The following SDK1 variants were observed in gnomAD, a reference collection of about 807,000 sequenced individuals.
SDK1 encodes the protein protein sidekick-1.
In SDK1, 157 loss-of-function variants were observed where a neutral mutation model predicts 245.5. The ratio of observed to expected loss-of-function variants is 0.64; its 90% CI spans 0.56 to 0.73. SDK1 has a LOEUF of 0.73. SDK1 is among the 30% of genes least tolerant of loss of function. The probability of loss-of-function intolerance (pLI) is 0.00; values close to 1 mark genes in which losing one functional copy is unlikely to be tolerated. For missense variants in SDK1, 3,583 were observed against 3,002.3 expected (o/e 1.19, Z -4.52); for synonymous variants, 1,647 against 1,278.5 (o/e 1.29, Z -6.15).
chr7:4,178,714 G>A (rs1782412693), intron 35 of SDK1, 128 bp downstream of exon 35: 4 of 663,362 alleles, frequency 6.0e-6, no homozygotes, highest in Admixed American at 5.0e-5. Context: ...TTGCTGTCGG[G>A]GCTGAGGTCT....
chr7:4,126,652 C>T (rs892797317), intron 25 of SDK1, among the ~76,000 whole-genome samples: 8 of 152,162 alleles, frequency 5.3e-5, no homozygotes, highest in African/African-American at 1.7e-4. Context: ...ACCCAGGAGG[C>T]GAAGTTGCAG....
intron 1 of SDK1, among the ~76,000 whole-genome samples, chr7:3,454,388 T>TTGTGTGTGTGTGTGTGTGTGTGTGTG (rs60437983): frequency 7.1e-6 from 1 of 141,686 alleles, no homozygotes; most frequent in Non-Finnish European, 1.5e-5. Flanking sequence ...TCCCCAAGAT[T>TTGTGTGTGTGTGTGTGTGTGTGTGTG]TGTGTGTGTG....
intron 4 of SDK1, among the ~76,000 whole-genome samples, chr7:3,679,348 C>T (rs984638995): frequency 1.3e-5 from 2 of 152,032 alleles, no homozygotes; most frequent in Non-Finnish European, 1.5e-5. Flanking sequence ...GGGTGGATCA[C>T]GAGGTCGGGA....
At chr7:3,564,808 C>T (rs543833063) in intron 1 of SDK1, among the ~76,000 whole-genome samples, 1 of 151,890 alleles carries the variant, frequency 6.6e-6, no homozygotes, top group African/African-American at 2.4e-5. Flanking sequence ...TGAACTAATC[C>T]AGAAAACAGT....
intron 35 of SDK1, among the ~76,000 whole-genome samples, 157 bp downstream of exon 35, chr7:4,178,743 A>C (rs1402763556): frequency 6.6e-6 from 1 of 152,214 alleles, no homozygotes; most frequent in Non-Finnish European, 1.5e-5. Context: ...CTGGCAGGGA[A>C]AGATGGGCTC....
intron 1 of SDK1, among the ~76,000 whole-genome samples, chr7:3,413,848 A>G (rs1339370490): frequency 6.6e-6 from 1 of 152,070 alleles, no homozygotes; most frequent in East Asian, 1.9e-4. Flanking sequence ...TATCAGCCAG[A>G]TGTGGCACAT....
chr7:3,516,739 A>C (rs778428353), intron 1 of SDK1, among the ~76,000 whole-genome samples: 1 of 152,182 alleles, frequency 6.6e-6, no homozygotes, highest in Non-Finnish European at 1.5e-5. Flanking sequence ...GAAGAACTCT[A>C]TTGTTTGACA....
At chr7:3,431,281 C>G (rs1032683851) in intron 1 of SDK1, among the ~76,000 whole-genome samples, 3 of 151,982 alleles carry the variant, frequency 2.0e-5, no homozygotes, top group Admixed American at 6.6e-5. Context: ...CCAAAGTACC[C>G]CCAGATCATA....
chr7:4,175,116 C>T (rs1782112587), intron 33 of SDK1, among the ~76,000 whole-genome samples: 3 of 152,252 alleles, frequency 2.0e-5, no homozygotes, highest in South Asian at 4.1e-4. Flanking sequence ...GCCTTCCACG[C>T]ACCCAGTGCG....
chr7:3,977,932 A>C (rs1021035335), intron 13 of SDK1, among the ~76,000 whole-genome samples: 1 of 151,924 alleles, frequency 6.6e-6, no homozygotes, highest in African/African-American at 2.4e-5. Context: ...TCTGTTCCCT[A>C]CTCGTACCTT....
intron 1 of SDK1, among the ~76,000 whole-genome samples, chr7:3,614,699 G>T (rs1781714017): frequency 6.6e-6 from 1 of 152,118 alleles, no homozygotes. Flanking sequence ...ATAGTGCTGG[G>T]CTCAGAGAAG....
chr7:3,971,014 C>G (rs1055476062), intron 11 of SDK1, among the ~76,000 whole-genome samples: 2 of 152,182 alleles, frequency 1.3e-5, no homozygotes, highest in African/African-American at 2.4e-5. Flanking sequence ...TTCCTGAAAA[C>G]TGAGAATAGT....
intron 5 of SDK1, among the ~76,000 whole-genome samples, chr7:3,908,362 C>T (rs1276575911): frequency 6.6e-6 from 1 of 152,176 alleles, no homozygotes; most frequent in Non-Finnish European, 1.5e-5. Context: ...AGGAGACGAT[C>T]AGCTTGGTCT....
At chr7:3,742,295 A>T (rs1015612720) in intron 4 of SDK1, among the ~76,000 whole-genome samples, 2 of 152,132 alleles carry the variant, frequency 1.3e-5, no homozygotes, top group African/African-American at 4.8e-5. Context: ...CATTGAGCTG[A>T]AAACAGTTAA....
Position 4,129,978 on chromosome 7 carries a change from C to G in SDK1, c.4010C>G (p.Ser1337Trp). 4 of 1,613,794 alleles carry G rather than the reference C, an allele frequency of 2.5e-6. No individual in the cohort carries two copies. Among genetic ancestry groups the G allele is most frequent in the Non-Finnish European group, 2.5e-6 (3 of 1,179,984 alleles). The part of the protein sequence containing the change: ...SHIVRGNHTQ[S>W]ALLAGLRKFV... ...ATCGTGCGAGGGAACCACACGCAGT[C>G]GGCCCTGCTGGCAGGCCTGCGCAAG... The change falls in exon 27 of 45, where the codon TCG becomes TGG. Residue 1337 changes from serine (S) to tryptophan (W), a missense_variant. Physicochemically the swap from Ser to Trp is radical, Grantham distance 177. Transcript: ENST00000404826.
chr7:3,604,136 A>G (rs1476915710), intron 1 of SDK1, among the ~76,000 whole-genome samples: 1 of 152,174 alleles, frequency 6.6e-6, no homozygotes, highest in Non-Finnish European at 1.5e-5. Context: ...CTATTGGTCT[A>G]AAATTCTCTT....
chr7:3,658,801 A>G (rs558273017), intron 4 of SDK1, among the ~76,000 whole-genome samples: 45 of 152,196 alleles, frequency 3.0e-4, no homozygotes, highest in African/African-American at 1.0e-3. Flanking sequence ...TATTTTTAGT[A>G]GATATGTGGT....
At chr7:4,047,204 T>G (rs1789083611) in intron 17 of SDK1, among the ~76,000 whole-genome samples, 2 of 152,176 alleles carry the variant, frequency 1.3e-5, no homozygotes, top group Admixed American at 1.3e-4. Context: ...AAATCACAAT[T>G]GATTATTAAA....
intron 35 of SDK1, among the ~76,000 whole-genome samples, chr7:4,184,379 G>C (rs1217833608): frequency 2.6e-5 from 4 of 152,190 alleles, no homozygotes; most frequent in Non-Finnish European, 5.9e-5. Flanking sequence ...ACCTTGTGCT[G>C]CTGTGGGGAG....
Sources: allele counts gnomAD v4.1 joint callset (sites outside exome capture counted in the v4.1 genomes callset), GRCh38; gene constraint gnomAD v4.1.1; transcripts MANE v1.5; gene names NCBI Gene and HGNC (gene_info 2026-07-23, HGNC 2026-07-21).